The following MRC2 variants were observed in gnomAD, a reference collection of about 807,000 sequenced individuals.
MRC2 encodes the protein C-type mannose receptor 2.
In MRC2, 84 loss-of-function variants were observed where a neutral mutation model predicts 206.2. That is an observed-to-expected ratio of 0.41 (90% confidence interval 0.34 to 0.49). The LOEUF is 0.49. MRC2 is among the 20% of genes least tolerant of loss of function. The pLI, the probability that MRC2 is intolerant of heterozygous loss-of-function variation, is 0.31. For synonymous variants in MRC2, 798 were observed against 800.0 expected (o/e 1.00, Z 0.04); for missense variants, 1,676 against 2,001.5 (o/e 0.84, Z 3.10).
chr17:62,662,263 A>C (rs1200949451), intron 1 of MRC2, among the ~76,000 whole-genome samples: 1 of 151,902 alleles, frequency 6.6e-6, no homozygotes. Context: ...AAAAAAAAAA[A>C]TAGATTATTC....
At chr17:62,655,938 G>A (rs760059732) in intron 1 of MRC2, among the ~76,000 whole-genome samples, 3 of 152,042 alleles carry the variant, frequency 2.0e-5, no homozygotes, top group Non-Finnish European at 2.9e-5. Context: ...TTCCTAGGCT[G>A]GAATGCAGTG....
chr17:62,660,308 T>C (rs2088665597), intron 1 of MRC2, among the ~76,000 whole-genome samples: 1 of 152,098 alleles, frequency 6.6e-6, no homozygotes, highest in Non-Finnish European at 1.5e-5. Flanking sequence ...AAGGCTAACA[T>C]TGAGAGGAAA....
At chr17:62,641,003 C>T (rs565523337) in intron 1 of MRC2, among the ~76,000 whole-genome samples, 45 of 151,698 alleles carry the variant, frequency 3.0e-4, no homozygotes, top group Admixed American at 3.0e-3. Context: ...CCACTGTGCC[C>T]GGCCTAATTT....
chr17:62,679,063 G>A (rs1164771321), intron 13 of MRC2, among the ~76,000 whole-genome samples: 1 of 152,142 alleles, frequency 6.6e-6, no homozygotes, highest in Admixed American at 6.5e-5. Flanking sequence ...GAGATAGGAG[G>A]AGAAAGGCCG....
At chr17:62,646,804 C>T (rs1446791467) in intron 1 of MRC2, among the ~76,000 whole-genome samples, 1 of 152,200 alleles carries the variant, frequency 6.6e-6, no homozygotes, top group Non-Finnish European at 1.5e-5. Flanking sequence ...AGGACAGATG[C>T]ACACCATATA....
intron 10 of MRC2, 79 bp from the exon 11 acceptor site, chr17:62,676,304 C>G: frequency 6.4e-7 from 1 of 1,566,552 alleles, no homozygotes; most frequent in South Asian, 1.2e-5. Context: ...ACCCGAGCTC[C>G]CACGGTAGGG....
chr17:62,666,360 C>G lies in MRC2; in HGVS notation c.694+93C>G. 6.3e-7 allele frequency: 1 copy of G among 1,587,918 alleles called. No homozygotes were observed. The highest frequency in any genetic ancestry group is 8.6e-7 in the Non-Finnish European group (1 of 1,169,362). ...CGGGGCCCAGGGTGAGATACTGCCC[C>G]CTCCCCTACCTAGTGTAGCCTTTTG... is the stretch of plus-strand genomic sequence containing the variant. On this transcript the variant is annotated intron_variant, in intron 3 of 29. Coordinates refer to ENST00000303375, the MANE Select transcript of MRC2 (RefSeq NM_006039.5). This position sits in a 1 kb window ranked among gnomAD's most constrained non-coding sequence, Gnocchi z 5.0.
rs1306753514 is a variant in MRC2, at chr17:62,675,082, TG to T, written c.1570-707del. ...CAAGGACAGTGCCTGGCCCAGGGGC[TG>T]TGTCATGGCTGCGAAGAGGTGAAGG... is the stretch of plus-strand genomic sequence containing the variant. On this transcript the variant is annotated intron_variant, in intron 9 of 29. Transcript: ENST00000303375. The surrounding 1 kb of genome is among the most constrained non-coding windows in gnomAD (Gnocchi z 4.1). 6.6e-6 allele frequency among the ~76,000 whole-genome samples: 1 copy of T among 152,024 alleles called. No individual in the cohort carries two copies. The highest frequency in any genetic ancestry group is 2.4e-5 in the African/African-American group (1 of 41,302).
chr17:62,682,412 G>T (rs1246138475), intron 20 of MRC2, 35 bp downstream of exon 20: 1 of 1,588,190 alleles, frequency 6.3e-7, no homozygotes, highest in Non-Finnish European at 8.6e-7. Context: ...AAGGGAGTCA[G>T]GGGAGAGGAC....
chr17:62,675,040 C>T lies in MRC2; in HGVS notation c.1570-750C>T, dbSNP rs1360690074. On this transcript the variant is annotated intron_variant, in intron 9 of 29. Coordinates refer to ENST00000303375, the MANE Select transcript of MRC2 (RefSeq NM_006039.5). This position sits in a 1 kb window ranked among gnomAD's most constrained non-coding sequence, Gnocchi z 4.1. ...CAGAGGGGAGAGCAGAGCCCAGCTG[C>T]GGAGTCTGTGGACTGGCAAGGACAG... Among the ~76,000 whole-genome samples the T allele has an allele frequency of 2.6e-5, 4 of 152,160 alleles. No homozygotes were observed. Among genetic ancestry groups the T allele is most frequent in the Non-Finnish European group, 5.9e-5 (4 of 68,016 alleles).
chr17:62,675,455 A>T lies in MRC2; in HGVS notation c.1570-335A>T, dbSNP rs182440636. Among the ~76,000 whole-genome samples the T allele has an allele frequency of 1.1e-4, 17 of 152,168 alleles. No homozygotes were observed. The East Asian group carries it at 3.3e-3, about 30-fold the overall frequency. ...AGCTGTGGTTTCCCAGCCAACAGTA[A>T]TTTCCCCACTGTGTCTCTTGGTTTA... On this transcript the variant is annotated intron_variant, in intron 9 of 29. Transcript: ENST00000303375. This position sits in a 1 kb window ranked among gnomAD's most constrained non-coding sequence, Gnocchi z 4.1.
At chr17:62,630,770 G>T (rs903159756) in intron 1 of MRC2, among the ~76,000 whole-genome samples, 1 of 152,168 alleles carries the variant, frequency 6.6e-6, no homozygotes, top group African/African-American at 2.4e-5. Flanking sequence ...GCTGCCTAAA[G>T]GACAGGGAGG....
intron 13 of MRC2, 113 bp from the exon 14 acceptor site, chr17:62,679,687 C>T (rs977217627): frequency 2.5e-5 from 24 of 947,190 alleles, no homozygotes; most frequent in Middle Eastern, 2.2e-4. Flanking sequence ...ATGGAGAGGC[C>T]CCAGGCCCTG....
rs1474538464 is a variant in MRC2 at position 62,664,533 on chromosome 17, TG to T, written c.119-14del. 5.6e-6 allele frequency: 9 copies of T among 1,596,540 alleles called. No homozygotes were observed. Among genetic ancestry groups the T allele is most frequent in the Non-Finnish European group, 7.7e-6 (9 of 1,171,562 alleles). On this transcript the variant is annotated splice_polypyrimidine_tract_variant and intron_variant, in intron 1 of 29. Transcript: ENST00000303375. The surrounding 1 kb of genome is among the most constrained non-coding windows in gnomAD (Gnocchi z 4.7). Reference sequence around the variant, plus strand: ...GAGCCCCTGTGATGCCTTCGTGTCTTGCCTTCCCTTCCAGAACCCAACGTCT... The same window carrying T: ...GAGCCCCTGTGATGCCTTCGTGTCTTCCTTCCCTTCCAGAACCCAACGTCT...
chr17:62,661,602 TTC>T (rs1246527529), intron 1 of MRC2: 15 of 151,868 alleles, frequency 9.9e-5, no homozygotes, highest in Non-Finnish European at 1.6e-4. Context: ...CCTTCCTTCC[TTC>T]CTTCCTTCCT....
In MRC2 at chr17:62,627,799, G is replaced by C; in HGVS notation, c.-4G>C. Reference sequence around the variant, plus strand: ...CCCGCGTCCACTGAGCGCCGCGCTCGGGGATGGGGCCCGGCCGGCCGGCCC... The same window carrying C: ...CCCGCGTCCACTGAGCGCCGCGCTCCGGGATGGGGCCCGGCCGGCCGGCCC... On this transcript the variant is annotated 5_prime_UTR_variant, in exon 1 of 30. Transcript: ENST00000303375. 7.0e-7 allele frequency: 1 copy of C among 1,427,932 alleles called. No individual in the cohort carries two copies. Among genetic ancestry groups the C allele is most frequent in the Non-Finnish European group, 9.1e-7 (1 of 1,100,174 alleles). The allele number at this position is 1,427,932 out of a possible 1,614,324, so 88.5% of individuals were successfully genotyped here.
At chr17:62,662,637 C>T (rs756605648) in intron 1 of MRC2, among the ~76,000 whole-genome samples, 2 of 152,158 alleles carry the variant, frequency 1.3e-5, no homozygotes, top group African/African-American at 2.4e-5. Flanking sequence ...CTGCCGGGCA[C>T]GGTGGCTCAT....
At chr17:62,685,397 A>T (rs1000971499) in intron 20 of MRC2, among the ~76,000 whole-genome samples, 1 of 152,282 alleles carries the variant, frequency 6.6e-6, no homozygotes, top group Non-Finnish European at 1.5e-5. Flanking sequence ...AGCATCTCTC[A>T]TGTTATAAAG....
In MRC2 at chr17:62,667,151, GA is replaced by G. The variant is rs778763299; in HGVS notation, c.974-238del. On this transcript the variant is annotated intron_variant, in intron 5 of 29. Coordinates refer to ENST00000303375, the MANE Select transcript of MRC2 (RefSeq NM_006039.5). The surrounding 1 kb of genome is among the most constrained non-coding windows in gnomAD (Gnocchi z 4.1). ...CAGCGCACCCAGCAGCCTGGACGGG[GA>G]GGCCGGGGCGGGGCTGGTACTGGTT... Among the ~76,000 whole-genome samples the G allele has an allele frequency of 2.0e-5, 3 of 152,188 alleles. No homozygotes were observed. Among genetic ancestry groups the G allele is most frequent in the Admixed American group, 6.5e-5 (1 of 15,280 alleles).
Sources: allele counts gnomAD v4.1 joint callset (sites outside exome capture counted in the v4.1 genomes callset), GRCh38; gene constraint gnomAD v4.1.1; non-coding constraint Gnocchi (gnomAD v3.1); transcripts MANE v1.5; gene names NCBI Gene and HGNC (gene_info 2026-07-23, HGNC 2026-07-21).